TCN2: variants seen among roughly 807,000 people sequenced by gnomAD.
TCN2 encodes transcobalamin 2.
Under a neutral mutation model 48.6 loss-of-function variants are expected in TCN2, and 34 were observed. The ratio of observed to expected loss-of-function variants is 0.70; its 90% CI spans 0.53 to 0.93. The LOEUF (loss-of-function observed/expected upper bound fraction) is 0.93, where lower values mean the gene tolerates loss of function less well. TCN2 is among the 40% of genes least tolerant of loss of function. The probability of loss-of-function intolerance (pLI) is 0.00; values close to 1 mark genes in which losing one functional copy is unlikely to be tolerated. For missense variants in TCN2, 652 were observed against 526.1 expected, an observed-to-expected ratio of 1.24 and a Z score of -2.34; for synonymous variants, 283 against 212.5, an observed-to-expected ratio of 1.33 and a Z score of -2.89.
chr22:30,620,869 T>A (rs1253305340), intron 7 of TCN2, among the ~76,000 whole-genome samples: 1 of 152,060 alleles, frequency 6.6e-6, no homozygotes, highest in Non-Finnish European at 1.5e-5. Context: ...TAGACAGATG[T>A]GGAGAGAGGT....
chr22:30,610,818 C>T, intron 1 of TCN2, 53 bp from the exon 2 acceptor site: 15 of 1,603,580 alleles, frequency 9.4e-6, no homozygotes, highest in Non-Finnish European at 1.3e-5. Flanking sequence ...CAAAGCACTT[C>T]TTTGCTGGTG....
chr22:30,607,254 G>C lies in TCN2; in HGVS notation c.-78G>C, dbSNP rs990459092. ...GTCTCTCGGAGCGGTGACCAGCTGT[G>C]GTCAGGAGAGCCTCAGCAGGGCCAG... On this transcript the variant is annotated 5_prime_UTR_variant, in exon 1 of 9. Transcript: ENST00000215838. 2.0e-6 allele frequency: 3 copies of C among 1,494,982 alleles called. No individual in the cohort carries two copies. In the African/African-American group the frequency reaches 4.1e-5, roughly 21 times the overall value. 92.6% of individuals were successfully genotyped at this position (1,494,982 alleles called of 1,614,324 possible).
At chr22:30,620,855 C>T (rs1046920296) in intron 7 of TCN2, among the ~76,000 whole-genome samples, 2 of 152,182 alleles carry the variant, frequency 1.3e-5, no homozygotes, top group Non-Finnish European at 2.9e-5. Context: ...ACTGCAGACA[C>T]AGATAGACAG....
At chr22:30,625,424 G>T (rs1195126206) in intron 8 of TCN2, among the ~76,000 whole-genome samples, 2 of 151,588 alleles carry the variant, frequency 1.3e-5, no homozygotes, top group Non-Finnish European at 1.5e-5. Flanking sequence ...ATATTTTCCT[G>T]GCCCTTGCCT....
At position 30,612,949 on chromosome 22, in the gene TCN2, C is replaced by G. The variant is rs777103002; in HGVS notation, c.334C>G (p.Leu112Val). 1 of 1,614,206 alleles carries G rather than the reference C, an allele frequency of 6.2e-7. No homozygotes were observed. Residue 112 changes from leucine (L) to valine (V), a missense_variant, in exon 3 of 9, where the codon CTC becomes GTC. Coordinates refer to ENST00000215838, the MANE Select transcript of TCN2 (RefSeq NM_000355.4). Reference sequence around the variant, plus strand: ...CCAGCTGGCCCTCTACCTGCTCGCTCTCAGAGCCAACTGTGAGTTTGTCAG... The same window carrying G: ...CCAGCTGGCCCTCTACCTGCTCGCTGTCAGAGCCAACTGTGAGTTTGTCAG... ...MGQLALYLLA[L>V]RANCEFVRGH... is the part of the protein sequence containing the mutation.
chr22:30,622,733 C>T (rs1400458306), intron 7 of TCN2, among the ~76,000 whole-genome samples: 1 of 152,198 alleles, frequency 6.6e-6, no homozygotes, highest in Admixed American at 6.5e-5. Flanking sequence ...TTCCTGGAGG[C>T]CATGGTCATG....
At chr22:30,620,221 G>C (rs891738445) in intron 7 of TCN2, among the ~76,000 whole-genome samples, 2 of 152,108 alleles carry the variant, frequency 1.3e-5, no homozygotes, top group African/African-American at 2.4e-5. Context: ...GGAGGCCAAG[G>C]TGGGCAGATT....
At chr22:30,617,824 G>A (rs970785448) in intron 7 of TCN2, 4 of 410,590 alleles carry the variant, frequency 9.7e-6, no homozygotes, top group African/African-American at 8.2e-5. Context: ...GAAGAGTCCA[G>A]GAGTTAGTAC....
At chr22:30,626,370 C>A in intron 8 of TCN2, 90 bp from the exon 9 acceptor site, 1 of 1,399,318 alleles carries the variant, frequency 7.1e-7, no homozygotes. Flanking sequence ...CTTACAGACT[C>A]TAGCCTCAGG....
chr22:30,623,843 C>CACACATATATATGT lies in TCN2; in HGVS notation c.1222+761_1222+762insCACATATATATGTA, dbSNP rs1569046597. On this transcript the variant is annotated intron_variant, in intron 8 of 8. Coordinates refer to ENST00000215838, the MANE Select transcript of TCN2 (RefSeq NM_000355.4). ...ACACATACACACACATATACACACA[C>CACACATATATATGT]ATACATACACATACATACACACATA... 1.5e-4 allele frequency among the ~76,000 whole-genome samples: 9 copies of CACACATATATATGT among 59,392 alleles called. 1 individual carries two copies. Among genetic ancestry groups the CACACATATATATGT allele is most frequent in the Middle Eastern group, 8.1e-3 (1 of 124 alleles). 39.0% of individuals were successfully genotyped at this position (59,392 alleles called of 152,430 possible).
chr22:30,623,803 T>TATACACATATATATAC (rs57088816), intron 8 of TCN2, among the ~76,000 whole-genome samples: 1 of 61,598 alleles, frequency 1.6e-5, no homozygotes, highest in African/African-American at 1.5e-4. Flanking sequence ...TATACACACA[T>TATACACATATATATAC]ACACATATAT....
rs1569046916 is a variant in TCN2 at position 30,623,943 on chromosome 22, C to CATATATATGTATACATATAT, written c.1222+861_1222+862insTATATATGTATACATATATA. ...ATATATATGTATACATATATACACA[C>CATATATATGTATACATATAT]ACACATATGTATACATATATACACA... On this transcript the variant is annotated intron_variant, in intron 8 of 8. Transcript: ENST00000215838. Among the ~76,000 whole-genome samples, 172 of 105,910 alleles carry CATATATATGTATACATATAT rather than the reference C, an allele frequency of 1.6e-3. 29 individuals are homozygous for CATATATATGTATACATATAT. The highest frequency in any genetic ancestry group is 4.6e-3 in the East Asian group (19 of 4,156). 69.5% of individuals were successfully genotyped at this position (105,910 alleles called of 152,430 possible).
rs371386151 is a variant in TCN2, at chr22:30,609,241, G to A, written c.65-1630G>A. On this transcript the variant is annotated intron_variant, in intron 1 of 8. Transcript: ENST00000215838. ...TGGTTTCAAACTCCTAGGGTCAAGC[G>A]ATCCTCCCACCTTGGCCTCCCAAAC... 1.1e-3 allele frequency among the ~76,000 whole-genome samples: 161 copies of A among 151,276 alleles called. 5 individuals are homozygous for A. The South Asian group carries it at 0.033, about 31-fold the overall frequency.
chr22:30,625,186 T>G (rs2087787133), intron 8 of TCN2, among the ~76,000 whole-genome samples: 1 of 152,112 alleles, frequency 6.6e-6, no homozygotes, highest in African/African-American at 2.4e-5. Flanking sequence ...CCATTGCATT[T>G]CAGCCTGGGC....
At chr22:30,614,724 C>T (rs1436361656) in intron 4 of TCN2, among the ~76,000 whole-genome samples, 3 of 152,116 alleles carry the variant, frequency 2.0e-5, no homozygotes, top group East Asian at 1.9e-4. Flanking sequence ...TTCAAGACAA[C>T]GTGGTGAAAC....
At position 30,626,561 on chromosome 22, in the gene TCN2, T is replaced by G; in HGVS notation, c.*40T>G. The G allele has an allele frequency of 1.2e-6, 2 of 1,608,240 alleles. No homozygotes were observed. Among genetic ancestry groups the G allele is most frequent in the Non-Finnish European group, 1.7e-6 (2 of 1,175,536 alleles). Reference sequence around the variant, plus strand: ...CATCCCAGCAGCCTCGCACACTCCCTAGGCTTCTACCCTCCCTCCTGATGT... The same window carrying G: ...CATCCCAGCAGCCTCGCACACTCCCGAGGCTTCTACCCTCCCTCCTGATGT... On this transcript the variant is annotated 3_prime_UTR_variant, in exon 9 of 9. Transcript: ENST00000215838.
At chr22:30,617,632 C>A in intron 7 of TCN2, 137 bp downstream of exon 7, 1 of 1,178,946 alleles carries the variant, frequency 8.5e-7, no homozygotes, top group Non-Finnish European at 1.2e-6. Flanking sequence ...ACCTGCTCAG[C>A]TCCTTTCTTG....
intron 7 of TCN2, among the ~76,000 whole-genome samples, chr22:30,621,253 C>G (rs1408585168): frequency 1.3e-5 from 2 of 152,022 alleles, no homozygotes; most frequent in African/African-American, 4.8e-5. Context: ...TCCGCCTCCT[C>G]AAGTGCTGGG....
chr22:30,610,803 AACGTCAAAGC>A, intron 1 of TCN2, 58 bp from the exon 2 acceptor site: 2 of 1,558,490 alleles, frequency 1.3e-6, no homozygotes, highest in Non-Finnish European at 1.8e-6. Context: ...AGGCCCTGGT[AACGTCAAAGC>A]ACTTCTTTGC....
Sources: gnomAD v4.1 joint callset for allele counts (sites outside exome capture counted in the v4.1 genomes callset) on GRCh38, gnomAD v4.1.1 for gene constraint, MANE v1.5 for transcripts, NCBI Gene and HGNC (gene_info 2026-07-23, HGNC 2026-07-21) for gene names.